The following TCEA3 variants were observed in gnomAD, a reference collection of about 807,000 sequenced individuals.
The protein encoded by TCEA3 is transcription elongation factor A3.
Under a neutral mutation model 44.0 loss-of-function variants are expected in TCEA3, and 36 were observed. The observed-to-expected ratio is 0.82, with a 90% CI of 0.63 to 1.08. TCEA3 has a LOEUF of 1.08. Among genes scored for constraint, TCEA3 ranks in the 50% least tolerant of loss-of-function variants. The pLI is 0.00. For missense variants in TCEA3, 392 were observed against 441.2 expected, an observed-to-expected ratio of 0.89 and a Z score of 1.00; for synonymous variants, 162 against 159.7, an observed-to-expected ratio of 1.01 and a Z score of -0.11.
chr1:23,384,171 T>C (rs1638751735), intron 10 of TCEA3, 175 bp downstream of exon 10: 1 of 1,440,650 alleles, frequency 6.9e-7, no homozygotes, highest in African/African-American at 1.4e-5. Flanking sequence ...ATGTGTGTTC[T>C]CTCCCCACCT....
chr1:23,402,865 T>G (rs1639439281), intron 5 of TCEA3, among the ~76,000 whole-genome samples: 1 of 152,112 alleles, frequency 6.6e-6, no homozygotes, highest in African/African-American at 2.4e-5. Context: ...AATGAATGAA[T>G]ACATGATGAA....
chr1:23,397,338 T>C (rs1350245152), intron 7 of TCEA3, among the ~76,000 whole-genome samples: 2 of 152,224 alleles, frequency 1.3e-5, no homozygotes, highest in African/African-American at 2.4e-5. Context: ...CAACACTGAA[T>C]GAGGTACTGC....
chr1:23,393,208 A>G (rs1438409000), intron 8 of TCEA3, among the ~76,000 whole-genome samples: 1 of 152,142 alleles, frequency 6.6e-6, no homozygotes, highest in African/African-American at 2.4e-5. Flanking sequence ...GAGCTCAGGC[A>G]GTAATGCGAG....
intron 1 of TCEA3, chr1:23,419,506 T>G: frequency 9.9e-5 from 17 of 172,478 alleles, no homozygotes; most frequent in East Asian, 3.0e-4. Flanking sequence ...CACTGTGAAC[T>G]TCGCAGGGTG....
chr1:23,387,607 C>G (rs1208117226), intron 8 of TCEA3, among the ~76,000 whole-genome samples, 188 bp from the exon 9 acceptor site: 2 of 152,224 alleles, frequency 1.3e-5, no homozygotes, highest in Non-Finnish European at 2.9e-5. Context: ...GTCCTCCTGC[C>G]GCCCACGGCT....
intron 5 of TCEA3, 74 bp from the exon 6 acceptor site, chr1:23,398,029 C>T (rs1440095333): frequency 6.5e-7 from 1 of 1,540,230 alleles, no homozygotes; most frequent in African/African-American, 1.4e-5. Context: ...TTCTAGATGT[C>T]TTGATGGATG....
chr1:23,394,791 C>T (rs1424281354), intron 7 of TCEA3, among the ~76,000 whole-genome samples: 1 of 152,208 alleles, frequency 6.6e-6, no homozygotes, highest in Non-Finnish European at 1.5e-5. Context: ...AGGCAAATTC[C>T]CGGCAGAGAC....
intron 4 of TCEA3, among the ~76,000 whole-genome samples, chr1:23,412,540 TAA>T (rs554808383): frequency 6.8e-6 from 1 of 146,412 alleles, no homozygotes. Context: ...CCTTCTCTAC[TAA>T]AAAAAAAATA....
At chr1:23,387,517 T>A (rs759068316) in intron 8 of TCEA3, 98 bp from the exon 9 acceptor site, 7 of 1,365,730 alleles carry the variant, frequency 5.1e-6, no homozygotes, top group Non-Finnish European at 6.9e-6. Context: ...GGAGGTAACA[T>A]GCTTTATTGA....
intron 7 of TCEA3, among the ~76,000 whole-genome samples, chr1:23,396,973 C>T (rs1475410327): frequency 1.3e-5 from 2 of 148,714 alleles, no homozygotes; most frequent in Middle Eastern, 3.2e-3. Context: ...CCATCGCACT[C>T]CAGCCTGGGC....
At chr1:23,387,536 A>T in intron 8 of TCEA3, 117 bp from the exon 9 acceptor site, 1 of 1,234,066 alleles carries the variant, frequency 8.1e-7, no homozygotes, top group Non-Finnish European at 1.1e-6. Flanking sequence ...GACTGCAAGG[A>T]GCTGGAAGGA....
intron 4 of TCEA3, among the ~76,000 whole-genome samples, chr1:23,410,105 A>G (rs1317945597): frequency 6.6e-6 from 1 of 151,994 alleles, no homozygotes; most frequent in Non-Finnish European, 1.5e-5. Context: ...TGACCCCAGG[A>G]ACAGCCCTCC....
intron 5 of TCEA3, among the ~76,000 whole-genome samples, chr1:23,401,215 TC>T (rs1454640270): frequency 6.6e-6 from 1 of 152,200 alleles, no homozygotes; most frequent in African/African-American, 2.4e-5. Context: ...TTTTGCATTC[TC>T]TAGAGACTTG....
At chr1:23,410,314 T>C (rs1437367398) in intron 4 of TCEA3, among the ~76,000 whole-genome samples, 2 of 152,102 alleles carry the variant, frequency 1.3e-5, no homozygotes, top group Non-Finnish European at 2.9e-5. Flanking sequence ...AGAACCACTT[T>C]CTGACTCTTC....
At chr1:23,398,167 T>C (rs1029098051) in intron 5 of TCEA3, among the ~76,000 whole-genome samples, 32 of 152,258 alleles carry the variant, frequency 2.1e-4, no homozygotes, top group African/African-American at 7.5e-4. Context: ...ATTCGAGAGA[T>C]GCATTTTAAA....
intron 7 of TCEA3, among the ~76,000 whole-genome samples, chr1:23,395,961 G>A (rs76732683): frequency 0.01 from 1,553 of 152,256 alleles, 32 homozygotes; most frequent in African/African-American, 0.035. Context: ...TGACTGTTCA[G>A]GAGAAAATGA....
intron 4 of TCEA3, among the ~76,000 whole-genome samples, chr1:23,408,999 C>T (rs1010420073): frequency 6.6e-6 from 1 of 152,144 alleles, no homozygotes; most frequent in African/African-American, 2.4e-5. Flanking sequence ...TTGTGTTGCT[C>T]ATTATTTACA....
chr1:23,395,490 G>A (rs1482337402), intron 7 of TCEA3, among the ~76,000 whole-genome samples: 1 of 152,352 alleles, frequency 6.6e-6, no homozygotes, highest in African/African-American at 2.4e-5. Flanking sequence ...AAAACAAAGA[G>A]CTAAAGTGTT....
At chr1:23,415,510 G>A in intron 4 of TCEA3, among the ~76,000 whole-genome samples, 1 of 152,164 alleles carries the variant, frequency 6.6e-6, no homozygotes. Flanking sequence ...GAGCTCTCCT[G>A]CTCCTGGTCC....
Sources: allele counts gnomAD v4.1 joint callset (sites outside exome capture counted in the v4.1 genomes callset), GRCh38; gene constraint gnomAD v4.1.1; transcripts MANE v1.5; gene names NCBI Gene and HGNC (gene_info 2026-07-23, HGNC 2026-07-21).